The following TMEM178B variants were observed in gnomAD, a reference collection of about 807,000 sequenced individuals.
The protein encoded by TMEM178B is transmembrane protein 178B.
A neutral mutation model predicts 31.0 loss-of-function variants in TMEM178B; 5 were observed. That is an observed-to-expected ratio of 0.16 (90% CI 0.08 to 0.34). The LOEUF is 0.34. TMEM178B is among the 10% of genes least tolerant of loss of function. The pLI, the probability that TMEM178B is intolerant of heterozygous loss-of-function variation, is 1.00. For synonymous variants in TMEM178B, 164 were observed against 164.0 expected (o/e 1.00, Z 0.00); for missense variants, 275 against 400.3 (o/e 0.69, Z 2.67).
chr7:141,488,921 T>C, the TMEM178B span, among the ~76,000 whole-genome samples: 2 of 147,684 alleles, frequency 1.4e-5, no homozygotes, highest in East Asian at 2.0e-4. Context: ...TTGGAGAAAA[T>C]AAGGAAAAGG....
At chr7:141,369,900 G>A (rs1382166686) in intron 2 of TMEM178B, among the ~76,000 whole-genome samples, 10 of 152,204 alleles carry the variant, frequency 6.6e-5, no homozygotes, top group Admixed American at 6.5e-4. Flanking sequence ...ACAGCTTGGA[G>A]AGAAACAAAT....
intron 2 of TMEM178B, among the ~76,000 whole-genome samples, chr7:141,268,344 A>G (rs1489180141): frequency 6.6e-6 from 1 of 152,230 alleles, no homozygotes; most frequent in African/African-American, 2.4e-5. Context: ...TATGGGAAAA[A>G]TGCCCCCAAA....
chr7:141,469,190 G>T (rs944029679), intron 3 of TMEM178B, among the ~76,000 whole-genome samples: 1 of 152,210 alleles, frequency 6.6e-6, no homozygotes, highest in Non-Finnish European at 1.5e-5. Flanking sequence ...TCAAAGAAAT[G>T]ATTTGGGGGT....
At position 141,256,486 on chromosome 7, in the gene TMEM178B, C is replaced by T. The variant is rs184187550; in HGVS notation, c.496+43782C>T. 2.2e-3 allele frequency among the ~76,000 whole-genome samples: 331 copies of T among 152,154 alleles called. 3 individuals are homozygous for T. The highest frequency in any genetic ancestry group is 7.1e-3 in the African/African-American group (294 of 41,518). On this transcript the variant is annotated intron_variant, in intron 2 of 3. Transcript: ENST00000565468. ...ACTCAGGAGACCAGAGTGGCTGGAG[C>T]GCAGTGGCTGAAGGTGAGAGTGGTA... is the stretch of plus-strand genomic sequence containing the variant.
chr7:141,405,959 C>T (rs758465020), intron 2 of TMEM178B, among the ~76,000 whole-genome samples: 2 of 152,194 alleles, frequency 1.3e-5, no homozygotes, highest in Non-Finnish European at 2.9e-5. Context: ...CCCATTGCTA[C>T]AGGACACAGA....
At chr7:141,377,499 G>C (rs1182995726) in intron 2 of TMEM178B, among the ~76,000 whole-genome samples, 1 of 151,800 alleles carries the variant, frequency 6.6e-6, no homozygotes, top group Non-Finnish European at 1.5e-5. Flanking sequence ...GTGAAACCCT[G>C]TTTCTACTAA....
intron 2 of TMEM178B, among the ~76,000 whole-genome samples, chr7:141,400,822 A>G (rs1376669443): frequency 2.0e-5 from 3 of 152,206 alleles, no homozygotes; most frequent in Non-Finnish European, 4.4e-5. Flanking sequence ...CTGGTGGGAC[A>G]CACAAGAAAC....
chr7:141,423,955 C>T (rs373884259), intron 2 of TMEM178B, among the ~76,000 whole-genome samples: 5 of 151,632 alleles, frequency 3.3e-5, no homozygotes, highest in African/African-American at 1.2e-4. Context: ...ATTACAGCTG[C>T]ATGCCACCAT....
intron 1 of TMEM178B, among the ~76,000 whole-genome samples, chr7:141,182,881 G>T (rs1427295165): frequency 6.6e-6 from 1 of 152,096 alleles, no homozygotes; most frequent in East Asian, 1.9e-4. Context: ...GCTGAACTGT[G>T]AATCCATTCA....
At chr7:141,080,512 C>A (rs553921091) in intron 1 of TMEM178B, among the ~76,000 whole-genome samples, 4 of 152,070 alleles carry the variant, frequency 2.6e-5, no homozygotes, top group Non-Finnish European at 2.9e-5. Context: ...CCCAGCTACT[C>A]GAGAGGCTGA....
chr7:141,316,842 G>T (rs1799014605), intron 2 of TMEM178B, among the ~76,000 whole-genome samples: 3 of 152,164 alleles, frequency 2.0e-5, no homozygotes, highest in African/African-American at 7.2e-5. Context: ...TTATAAAACT[G>T]GCTGTTCTCA....
chr7:141,364,541 T>C lies in TMEM178B; in HGVS notation c.497-73067T>C, dbSNP rs375441682. ...CGGGCATGGTGGCACGTGCCTGTAG[T>C]CCCAGCTACTCGGGAGGCTGAGGCA... On this transcript the variant is annotated intron_variant, in intron 2 of 3. Transcript: ENST00000565468. Among the ~76,000 whole-genome samples, 3 of 151,124 alleles carry C rather than the reference T, an allele frequency of 2.0e-5. No individual in the cohort carries two copies. The South Asian group carries it at 6.3e-4, about 32-fold the overall frequency.
intron 1 of TMEM178B, among the ~76,000 whole-genome samples, chr7:141,134,150 G>C (rs117412427): frequency 6.6e-6 from 1 of 152,072 alleles, no homozygotes; most frequent in Non-Finnish European, 1.5e-5. Context: ...TAGGAGGATC[G>C]CTTGAACCTG....
At chr7:141,427,366 A>G (rs547278780) in intron 2 of TMEM178B, among the ~76,000 whole-genome samples, 5 of 152,332 alleles carry the variant, frequency 3.3e-5, no homozygotes, top group South Asian at 4.1e-4. Context: ...AAAACAGACC[A>G]ATGGAACAGA....
chr7:141,307,178 A>G (rs62484751), intron 2 of TMEM178B, among the ~76,000 whole-genome samples: 24,778 of 98,430 alleles, frequency 0.25, 2,301 homozygotes, highest in African/African-American at 0.42. Flanking sequence ...TTTTTATATC[A>G]CTTTTTTCTG....
rs568457160 is a variant in TMEM178B at position 141,135,590 on chromosome 7, G to A, written c.382+60898G>A. On this transcript the variant is annotated intron_variant, in intron 1 of 3. Transcript: ENST00000565468. ...AATAACAAGAGGAACTTTGGAAACT[G>A]TACAAATGCATGGAAATTAAACAAC... 1.2e-3 allele frequency among the ~76,000 whole-genome samples: 180 copies of A among 152,256 alleles called. 2 individuals carry two copies. The highest frequency in any genetic ancestry group is 3.9e-4 in the East Asian group (2 of 5,188).
At chr7:141,322,958 T>A (rs1032558841) in intron 2 of TMEM178B, among the ~76,000 whole-genome samples, 3 of 152,230 alleles carry the variant, frequency 2.0e-5, no homozygotes, top group Admixed American at 6.5e-5. Context: ...CCTGATTTTT[T>A]AAATTTTTAT....
At chr7:141,303,148 T>C (rs549690015) in intron 2 of TMEM178B, among the ~76,000 whole-genome samples, 3 of 152,292 alleles carry the variant, frequency 2.0e-5, no homozygotes, top group Non-Finnish European at 4.4e-5. Flanking sequence ...CAGGCGTTCT[T>C]TGGATGTGTG....
chr7:141,341,707 A>G (rs767084284), intron 2 of TMEM178B, among the ~76,000 whole-genome samples: 1 of 152,172 alleles, frequency 6.6e-6, no homozygotes, highest in Non-Finnish European at 1.5e-5. Context: ...TTAGTCATTT[A>G]CTTAGAAGAA....
Sources: gnomAD v4.1 joint callset for allele counts (sites outside exome capture counted in the v4.1 genomes callset) on GRCh38, gnomAD v4.1.1 for gene constraint, MANE v1.5 for transcripts, NCBI Gene and HGNC (gene_info 2026-07-23, HGNC 2026-07-21) for gene names.